The following UBE2E2 variants were observed in gnomAD, a reference collection of about 807,000 sequenced individuals.
UBE2E2 encodes the protein ubiquitin conjugating enzyme E2 E2.
Under a neutral mutation model 24.7 loss-of-function variants are expected in UBE2E2, and 6 were observed. The ratio of observed to expected loss-of-function variants is 0.24; its 90% CI spans 0.13 to 0.48. UBE2E2 has a LOEUF of 0.48. Among genes scored for constraint, UBE2E2 ranks in the 20% least tolerant of loss-of-function variants. UBE2E2 has a pLI of 0.99. For synonymous variants in UBE2E2, 104 were observed against 83.6 expected (o/e 1.24, Z -1.33); for missense variants, 169 against 245.0 (o/e 0.69, Z 2.07).
At chr3:23,484,144 G>A (rs1044940468) in intron 3 of UBE2E2, among the ~76,000 whole-genome samples, 31 of 152,266 alleles carry the variant, frequency 2.0e-4, no homozygotes, top group African/African-American at 7.2e-4. Context: ...AGGGCAACCC[G>A]CTTTCTTCTC....
intron 3 of UBE2E2, among the ~76,000 whole-genome samples, chr3:23,461,241 A>G (rs1023153434): frequency 5.9e-5 from 9 of 152,196 alleles, no homozygotes; most frequent in Non-Finnish European, 2.9e-5. Context: ...ATAACTAGTC[A>G]TAGTACTTAA....
At chr3:23,476,852 A>G (rs529280788) in intron 3 of UBE2E2, among the ~76,000 whole-genome samples, 4 of 152,252 alleles carry the variant, frequency 2.6e-5, no homozygotes, top group South Asian at 2.1e-4. Context: ...ATAAAACAGG[A>G]CTAATCAAAT....
At chr3:23,428,815 A>G (rs1697989897) in intron 3 of UBE2E2, among the ~76,000 whole-genome samples, 1 of 151,404 alleles carries the variant, frequency 6.6e-6, no homozygotes, top group Non-Finnish European at 1.5e-5. Context: ...GCCTGGTGCC[A>G]CCACATCACA....
chr3:23,513,920 C>T (rs1351640026), intron 4 of UBE2E2, among the ~76,000 whole-genome samples: 1 of 151,972 alleles, frequency 6.6e-6, no homozygotes, highest in Non-Finnish European at 1.5e-5. Context: ...GTATTTTCAT[C>T]TGTAGAAAGA....
chr3:23,402,566 A>G (rs1420395181), intron 3 of UBE2E2, among the ~76,000 whole-genome samples: 1 of 152,224 alleles, frequency 6.6e-6, no homozygotes, highest in African/African-American at 2.4e-5. Flanking sequence ...AAGATTTTCA[A>G]CCATCTTTGG....
intron 3 of UBE2E2, among the ~76,000 whole-genome samples, chr3:23,303,700 T>G (rs547129999): frequency 1.4e-3 from 206 of 152,284 alleles, no homozygotes; most frequent in African/African-American, 4.7e-3. Context: ...TGAAGAATTG[T>G]TGGTCTTCCA....
chr3:23,534,384 A>G (rs2125487210), intron 5 of UBE2E2: 1 of 248,534 alleles, frequency 4.0e-6, no homozygotes, highest in Non-Finnish European at 6.4e-6. Flanking sequence ...CAAAAACTTA[A>G]AAATCACTCC....
At chr3:23,270,234 C>A (rs1321592659) in intron 3 of UBE2E2, among the ~76,000 whole-genome samples, 2 of 149,448 alleles carry the variant, frequency 1.3e-5, no homozygotes, top group African/African-American at 4.9e-5. Context: ...CACAAGATGT[C>A]CCTCATCTAA....
chr3:23,219,181 C>A (rs1159159518), intron 3 of UBE2E2, among the ~76,000 whole-genome samples: 1 of 152,230 alleles, frequency 6.6e-6, no homozygotes, highest in East Asian at 1.9e-4. Context: ...TTTATTGATT[C>A]TAAAACAGTT....
intron 3 of UBE2E2, among the ~76,000 whole-genome samples, chr3:23,486,548 G>A (rs370181642): frequency 3.9e-5 from 6 of 152,096 alleles, no homozygotes; most frequent in Non-Finnish European, 2.9e-5. Context: ...GTCCTGCTCC[G>A]GCCCATGGCT....
intron 3 of UBE2E2, among the ~76,000 whole-genome samples, chr3:23,445,414 A>G (rs1233055965): frequency 6.6e-6 from 1 of 152,164 alleles, no homozygotes; most frequent in East Asian, 1.9e-4. Flanking sequence ...TCAAACAGCC[A>G]GACACCATTT....
chr3:23,254,209 CT>C (rs1697654506), intron 3 of UBE2E2, among the ~76,000 whole-genome samples: 1 of 152,178 alleles, frequency 6.6e-6, no homozygotes, highest in African/African-American at 2.4e-5. Flanking sequence ...GAGACCTCTG[CT>C]TTAGTTGAAG....
At chr3:23,446,720 T>TTA (rs1553612084) in intron 3 of UBE2E2, among the ~76,000 whole-genome samples, 1,565 of 145,308 alleles carry the variant, frequency 0.011, 32 homozygotes, top group African/African-American at 0.032. Context: ...TTTTTTTTTT[T>TTA]ATCCGTAGGG....
intron 4 of UBE2E2, among the ~76,000 whole-genome samples, chr3:23,500,157 A>G (rs563651945): frequency 1.4e-4 from 21 of 152,332 alleles, no homozygotes; most frequent in African/African-American, 5.0e-4. Flanking sequence ...TGCCTAGGCA[A>G]GGTTTATAGC....
intron 3 of UBE2E2, among the ~76,000 whole-genome samples, chr3:23,256,131 G>T (rs1697715293): frequency 6.6e-6 from 1 of 152,192 alleles, no homozygotes; most frequent in African/African-American, 2.4e-5. Context: ...AATAAAGCTA[G>T]CATATGAGTT....
At chr3:23,520,720 A>G (rs1330068651) in intron 4 of UBE2E2, among the ~76,000 whole-genome samples, 1 of 152,202 alleles carries the variant, frequency 6.6e-6, no homozygotes, top group East Asian at 1.9e-4. Context: ...ATAGCTCACT[A>G]CAGCCTCATA....
chr3:23,321,334 C>T (rs1276177665), intron 3 of UBE2E2, among the ~76,000 whole-genome samples: 1 of 152,112 alleles, frequency 6.6e-6, no homozygotes. Context: ...TGGATCTACC[C>T]TGCAGAGCAG....
At chr3:23,237,958 G>A (rs59185768) in intron 3 of UBE2E2, among the ~76,000 whole-genome samples, 25,338 of 151,758 alleles carry the variant, frequency 0.17, 2,235 homozygotes, top group South Asian at 0.26. Context: ...AGTGTTTTCC[G>A]CTTTAGTTTG....
rs1042411126 is a variant in UBE2E2 at position 23,407,723 on chromosome 3, G to A, written c.228-91885G>A. ...CAGAGAAAATCCCAGGCTTTATGCCGTTTTACTCCTAAACCTCTGTACATC... is the reference window on the plus strand; with the variant it reads ...CAGAGAAAATCCCAGGCTTTATGCCATTTTACTCCTAAACCTCTGTACATC... On this transcript the variant is annotated intron_variant, in intron 3 of 5. Coordinates refer to ENST00000396703, the MANE Select transcript of UBE2E2 (RefSeq NM_152653.4). This position sits in a 1 kb window ranked among gnomAD's most constrained non-coding sequence, Gnocchi z 4.0. 3.3e-5 allele frequency among the ~76,000 whole-genome samples: 5 copies of A among 149,838 alleles called. No homozygotes were observed. Among genetic ancestry groups the A allele is most frequent in the Admixed American group, 1.3e-4 (2 of 14,866 alleles).
Sources: allele counts gnomAD v4.1 joint callset (sites outside exome capture counted in the v4.1 genomes callset), GRCh38; gene constraint gnomAD v4.1.1; non-coding constraint Gnocchi (gnomAD v3.1); transcripts MANE v1.5; gene names NCBI Gene and HGNC (gene_info 2026-07-23, HGNC 2026-07-21).